Variants in TMEM163 observed in about 807,000 individuals in gnomAD.
TMEM163 encodes the protein transmembrane protein 163.
A neutral mutation model predicts 29.3 loss-of-function variants in TMEM163; 17 were observed. The ratio of observed to expected loss-of-function variants is 0.58; its 90% confidence interval spans 0.40 to 0.87. The LOEUF is 0.87. TMEM163 is among the 40% of genes least tolerant of loss of function. The pLI, the probability that TMEM163 is intolerant of heterozygous loss-of-function variation, is 0.00. For synonymous variants in TMEM163, 157 were observed against 160.6 expected (o/e 0.98, Z 0.17); for missense variants, 303 against 381.5 (o/e 0.79, Z 1.71).
At chr2:134,491,019 ATCT>A (rs2106482419) in intron 5 of TMEM163, among the ~76,000 whole-genome samples, 1 of 152,352 alleles carries the variant, frequency 6.6e-6, no homozygotes, top group African/African-American at 2.4e-5. Flanking sequence ...CTTTTAAAAC[ATCT>A]TCTTTCTTCA....
At chr2:134,612,060 C>G (rs1516990) in intron 2 of TMEM163, among the ~76,000 whole-genome samples, 87,535 of 152,084 alleles carry the variant, frequency 0.58, 25,909 homozygotes, top group Non-Finnish European at 0.63. Flanking sequence ...AAACCAACAG[C>G]CTTGCCACCA....
At chr2:134,690,346 C>T (rs910418729) in intron 2 of TMEM163, among the ~76,000 whole-genome samples, 1 of 151,640 alleles carries the variant, frequency 6.6e-6, no homozygotes, top group African/African-American at 2.4e-5. Flanking sequence ...AGTGCAGTGG[C>T]ATGATCTTGG....
intron 4 of TMEM163, among the ~76,000 whole-genome samples, chr2:134,547,481 C>T (rs984205254): frequency 1.3e-5 from 2 of 152,178 alleles, no homozygotes; most frequent in Non-Finnish European, 2.9e-5. Flanking sequence ...TGCATATTTT[C>T]CAATTTCCTC....
At position 134,456,852 on chromosome 2, in the gene TMEM163, T is replaced by G. The variant is rs1009281251; in HGVS notation, c.810-76A>C. The G allele has an allele frequency of 1.4e-5, 21 of 1,474,482 alleles. No individual in the cohort carries two copies. The Admixed American group carries it at 2.7e-4, about 19-fold the overall frequency. The allele number at this position is 1,474,482 out of a possible 1,614,324, so 91.3% of individuals were successfully genotyped here. On this transcript the variant is annotated intron_variant, in intron 7 of 7. Transcript: ENST00000281924. The stretch of plus-strand genomic sequence containing the variant: ...GCTTGGGGAAGCGTATTTTCATTTT[T>G]TTTTTCCTGAGATAATTCACATACC...
At chr2:134,488,881 C>A (rs1280527751) in intron 5 of TMEM163, among the ~76,000 whole-genome samples, 2 of 152,160 alleles carry the variant, frequency 1.3e-5, no homozygotes, top group South Asian at 4.1e-4. Flanking sequence ...ATATAATCAA[C>A]TTCACCAATA....
At chr2:134,699,843 A>C (rs1197576700) in intron 2 of TMEM163, among the ~76,000 whole-genome samples, 2 of 151,980 alleles carry the variant, frequency 1.3e-5, no homozygotes, top group South Asian at 4.2e-4. Context: ...GGGTGGTTGG[A>C]ACTTTTGTTT....
At chr2:134,551,244 G>C (rs895606490) in intron 3 of TMEM163, among the ~76,000 whole-genome samples, 4 of 151,994 alleles carry the variant, frequency 2.6e-5, no homozygotes, top group Admixed American at 2.6e-4. Flanking sequence ...GTGTATGCAT[G>C]TGTGTGTGTA....
intron 5 of TMEM163, among the ~76,000 whole-genome samples, chr2:134,499,670 C>T (rs981876651): frequency 6.6e-6 from 1 of 152,148 alleles, no homozygotes; most frequent in Admixed American, 6.5e-5. Flanking sequence ...AACCGTGCAG[C>T]GAAACTAAAA....
rs188445425 is a variant in TMEM163, at chr2:134,596,271, T to C, written c.323-44180A>G. ...GTCTAACATTTAAGTCTTTAATCCA[T>C]TTTGAATTAATTTTTGTATAAGGTG... On this transcript the variant is annotated intron_variant, in intron 2 of 7. Transcript: ENST00000281924. Among the ~76,000 whole-genome samples the C allele has an allele frequency of 2.7e-3, 409 of 152,292 alleles. 2 individuals are homozygous for C. The highest frequency in any genetic ancestry group is 9.0e-3 in the African/African-American group (374 of 41,564).
intron 2 of TMEM163, among the ~76,000 whole-genome samples, chr2:134,564,796 T>G (rs1681259879): frequency 6.6e-6 from 1 of 152,178 alleles, no homozygotes; most frequent in South Asian, 2.1e-4. Context: ...AAACCACAGA[T>G]GCCACTACAT....
At chr2:134,694,789 A>C (rs898157451) in intron 2 of TMEM163, among the ~76,000 whole-genome samples, 3 of 152,238 alleles carry the variant, frequency 2.0e-5, no homozygotes, top group African/African-American at 7.2e-5. Context: ...CCATTTTGAA[A>C]ATGTACTTTA....
intron 4 of TMEM163, among the ~76,000 whole-genome samples, chr2:134,546,577 G>A (rs1027142545): frequency 9.9e-5 from 15 of 151,638 alleles, no homozygotes; most frequent in Non-Finnish European, 2.2e-4. Flanking sequence ...CCGGGAGGCG[G>A]AGCTTGCAGT....
chr2:134,507,324 G>A (rs521507), intron 4 of TMEM163, among the ~76,000 whole-genome samples: 30,213 of 151,306 alleles, frequency 0.2, 3,338 homozygotes, highest in South Asian at 0.38. Flanking sequence ...CAACAAGAGC[G>A]AAACTCTACC....
chr2:134,534,828 G>T (rs1401698881), intron 4 of TMEM163, among the ~76,000 whole-genome samples: 1 of 152,164 alleles, frequency 6.6e-6, no homozygotes, highest in Non-Finnish European at 1.5e-5. Context: ...GAGTCTCTCT[G>T]TGACCACCTG....
At chr2:134,481,726 T>C (rs574935) in intron 5 of TMEM163, among the ~76,000 whole-genome samples, 25,274 of 152,178 alleles carry the variant, frequency 0.17, 2,309 homozygotes, top group South Asian at 0.27. Context: ...TGGGGTCTAA[T>C]GCTCCCTCAT....
At chr2:134,465,886 A>G (rs1448714711) in intron 6 of TMEM163, among the ~76,000 whole-genome samples, 1 of 152,202 alleles carries the variant, frequency 6.6e-6, no homozygotes. Context: ...AGGAGGTCAG[A>G]GTGGAGGTGA....
chr2:134,639,005 C>T (rs137911371), intron 2 of TMEM163, among the ~76,000 whole-genome samples: 104 of 152,222 alleles, frequency 6.8e-4, no homozygotes, highest in African/African-American at 2.4e-3. Flanking sequence ...GACAAGGCCA[C>T]CCAGGGAGAG....
At chr2:134,540,965 G>A (rs1253293626) in intron 4 of TMEM163, among the ~76,000 whole-genome samples, 1 of 152,198 alleles carries the variant, frequency 6.6e-6, no homozygotes, top group Non-Finnish European at 1.5e-5. Context: ...GCCTCGGTGA[G>A]CTTAAAGGCT....
intron 4 of TMEM163, among the ~76,000 whole-genome samples, chr2:134,549,885 T>C (rs1379822996): frequency 6.6e-6 from 1 of 152,268 alleles, no homozygotes; most frequent in South Asian, 2.1e-4. Context: ...TGTGTACTCA[T>C]TGCAATCATC....
Sources: gnomAD v4.1 joint callset for allele counts (sites outside exome capture counted in the v4.1 genomes callset) on GRCh38, gnomAD v4.1.1 for gene constraint, MANE v1.5 for transcripts, NCBI Gene and HGNC (gene_info 2026-07-23, HGNC 2026-07-21) for gene names.